RASGRP3: variants seen among roughly 807,000 people sequenced by gnomAD.
The protein encoded by RASGRP3 is ras guanyl-releasing protein 3.
Under a neutral mutation model 82.7 loss-of-function variants are expected in RASGRP3, and 54 were observed. That is an observed-to-expected ratio of 0.65 (90% CI 0.52 to 0.82). The LOEUF (loss-of-function observed/expected upper bound fraction) is 0.82. Ranked by LOEUF, RASGRP3 falls within the 40% of genes least tolerant of loss-of-function variation. RASGRP3 has a pLI of 0.00. For synonymous variants in RASGRP3, 309 were observed against 300.5 expected (o/e 1.03, Z -0.29); for missense variants, 861 against 828.9 (o/e 1.04, Z -0.48).
chr2:33,551,054 T>C (rs1371614447), intron 14 of RASGRP3, among the ~76,000 whole-genome samples: 1 of 152,144 alleles, frequency 6.6e-6, no homozygotes, highest in Non-Finnish European at 1.5e-5. Context: ...GGCTCATGTG[T>C]GTAATCCCAG....
At chr2:33,525,761 C>T (rs1203841858) in intron 9 of RASGRP3, among the ~76,000 whole-genome samples, 2 of 148,912 alleles carry the variant, frequency 1.3e-5, no homozygotes, top group Non-Finnish European at 3.0e-5. Flanking sequence ...CCTGTAGTCC[C>T]AGCTATTTGG....
chr2:33,563,203 CTTGTT>C lies in RASGRP3; in HGVS notation c.*487_*491del, dbSNP rs3835879. On this transcript the variant is annotated 3_prime_UTR_variant, in exon 18 of 18. Coordinates refer to ENST00000403687, the MANE Select transcript of RASGRP3 (RefSeq NM_001139488.2). ...GGGGTTTTTTTCATTTTTTGTTTTT[CTTGTT>C]TTGTTTTGTTTTGTTTTGTTCTTCT... is the stretch of plus-strand genomic sequence containing the variant. 0.74 allele frequency: 112,419 copies of C among 151,460 alleles called. 42,635 individuals carry two copies. The highest frequency in any genetic ancestry group is 0.88 in the African/African-American group (35,811 of 40,738). 9.4% of individuals were successfully genotyped at this position (151,460 alleles called of 1,614,324 possible). A position where few individuals can be genotyped will look rare whatever the true frequency, so the allele number is the denominator to read the frequency against.
rs777885378 is a variant in RASGRP3 at position 33,520,064 on chromosome 2, G to A, written c.236+50G>A. 127 of 1,429,232 alleles carry A rather than the reference G, an allele frequency of 8.9e-5. 1 individual carries two copies. Among genetic ancestry groups the A allele is most frequent in the East Asian group, 2.2e-4 (9 of 40,546 alleles). 88.5% of individuals were successfully genotyped at this position (1,429,232 alleles called of 1,614,324 possible). ...TCTTGTAGTTTCTGGTTCTGGAATCGTGGACAATTTCCTTTTCCCCAAGCT... is the reference window on the plus strand; with the variant it reads ...TCTTGTAGTTTCTGGTTCTGGAATCATGGACAATTTCCTTTTCCCCAAGCT... On this transcript the variant is annotated intron_variant, in intron 5 of 17. Transcript: ENST00000403687.
chr2:33,522,161 G>C, intron 7 of RASGRP3, 59 bp downstream of exon 7: 4 of 1,540,488 alleles, frequency 2.6e-6, no homozygotes, highest in Non-Finnish European at 3.5e-6. Flanking sequence ...ACTTTCCCAA[G>C]AGCTGCATTT....
intron 4 of RASGRP3, among the ~76,000 whole-genome samples, chr2:33,517,112 A>G (rs1375547770): frequency 2.6e-5 from 4 of 152,318 alleles, no homozygotes; most frequent in East Asian, 3.9e-4. Flanking sequence ...CCAAGACACA[A>G]TGAACATTCT....
intron 17 of RASGRP3, 74 bp downstream of exon 17, chr2:33,559,104 G>A: frequency 7.9e-7 from 1 of 1,265,860 alleles, no homozygotes; most frequent in South Asian, 1.6e-5. Flanking sequence ...GTTACAGAGG[G>A]TCTGGGGGGC....
At position 33,515,942 on chromosome 2, in the gene RASGRP3, C is replaced by T. The variant is rs1308634582; in HGVS notation, c.71-600C>T. ...ACAATCATTTTTAGTGTTAGTATGA[C>T]CTAAATAATGCCTGGGACATACTTA... On this transcript the variant is annotated intron_variant, in intron 3 of 17. Coordinates refer to ENST00000403687, the MANE Select transcript of RASGRP3 (RefSeq NM_001139488.2). Among the ~76,000 whole-genome samples the T allele has an allele frequency of 2.0e-5, 3 of 152,146 alleles. No individual in the cohort carries two copies. In the East Asian group the frequency reaches 5.8e-4, roughly 29 times the overall value.
At chr2:33,459,010 T>C (rs1321186733) in intron 2 of RASGRP3, among the ~76,000 whole-genome samples, 1 of 152,190 alleles carries the variant, frequency 6.6e-6, no homozygotes, top group Non-Finnish European at 1.5e-5. Context: ...TGATTCTACA[T>C]GAAAAAATCT....
intron 14 of RASGRP3, among the ~76,000 whole-genome samples, chr2:33,554,055 T>G (rs1400928024): frequency 6.6e-6 from 1 of 152,172 alleles, no homozygotes; most frequent in Middle Eastern, 3.2e-3. Flanking sequence ...CATTTTAATA[T>G]GTATTCTGAA....
intron 4 of RASGRP3, among the ~76,000 whole-genome samples, chr2:33,517,222 G>A (rs1671554139): frequency 6.6e-6 from 1 of 152,200 alleles, no homozygotes; most frequent in South Asian, 2.1e-4. Context: ...ATTCCGTAAT[G>A]AAGGCTTTTA....
intron 12 of RASGRP3, chr2:33,539,581 A>C (rs1436539065): frequency 6.2e-6 from 1 of 162,462 alleles, no homozygotes; most frequent in Non-Finnish European, 1.3e-5. Flanking sequence ...CAGGAAAGAA[A>C]TCCTGTAAGT....
upstream of RASGRP3, among the ~76,000 whole-genome samples, chr2:33,474,536 C>G (rs952620808): frequency 6.6e-5 from 10 of 152,262 alleles, no homozygotes; most frequent in Middle Eastern, 3.4e-3. Flanking sequence ...CTCCTGACCT[C>G]AGGTGATTCA....
intron 11 of RASGRP3, 33 bp downstream of exon 11, chr2:33,534,433 C>A: frequency 7.1e-7 from 1 of 1,415,218 alleles, no homozygotes; most frequent in Non-Finnish European, 9.9e-7. Flanking sequence ...GGATCAGTAC[C>A]AATCACTATT....
chr2:33,555,208 C>T, intron 14 of RASGRP3: 1 of 208,606 alleles, frequency 4.8e-6, no homozygotes, highest in Non-Finnish European at 9.5e-6. Context: ...CCAGGGGCTC[C>T]CAAAGACCAA....
intron 1 of RASGRP3, among the ~76,000 whole-genome samples, chr2:33,493,412 T>A (rs1669030185): frequency 6.6e-6 from 1 of 151,976 alleles, no homozygotes. Context: ...TCAGAGTGAG[T>A]CTGGACTGGG....
chr2:33,529,322 A>AG (rs1558491167), intron 10 of RASGRP3, among the ~76,000 whole-genome samples: 2 of 151,440 alleles, frequency 1.3e-5, no homozygotes, highest in Non-Finnish European at 2.9e-5. Flanking sequence ...GTGAAACGCC[A>AG]TCTCTACTAA....
In RASGRP3 at chr2:33,527,186, A is replaced by G. The variant is rs200209664; in HGVS notation, c.857A>G (p.Asn286Ser). 107 of 1,614,062 alleles carry G rather than the reference A, an allele frequency of 6.6e-5. 1 individual carries two copies. The Middle Eastern group carries it at 8.2e-4, about 12-fold the overall frequency. Residue 286 changes from asparagine (N) to serine (S), a missense_variant, in exon 10 of 18, where the codon AAT becomes AGT. Asn to Ser is a conservative substitution (Grantham distance 46, BLOSUM62 1). Transcript: ENST00000403687. ...ELVSSNGNYC[N>S]YRKAFADCDG... ...GTCTCCTCCAACGGCAATTACTGCA[A>G]TTACCGCAAGGCCTTTGCCGACTGC...
chr2:33,445,017 T>G (rs987749830), intron 1 of RASGRP3, among the ~76,000 whole-genome samples: 1 of 152,240 alleles, frequency 6.6e-6, no homozygotes, highest in Non-Finnish European at 1.5e-5. Context: ...CAAGTGCACA[T>G]GCACACACGC....
intron 16 of RASGRP3, 140 bp downstream of exon 16, chr2:33,558,476 A>G (rs1390998373): frequency 7.5e-7 from 1 of 1,339,682 alleles, no homozygotes; most frequent in East Asian, 2.4e-5. Flanking sequence ...AGCAGTAGCT[A>G]AACCCTTGAA....
Sources: gnomAD v4.1 joint callset for allele counts (sites outside exome capture counted in the v4.1 genomes callset) on GRCh38, gnomAD v4.1.1 for gene constraint, MANE v1.5 for transcripts, NCBI Gene and HGNC (gene_info 2026-07-23, HGNC 2026-07-21) for gene names.